The following DOCK9 variants were observed in gnomAD, a reference collection of about 807,000 sequenced individuals.
DOCK9 encodes dedicator of cytokinesis 9.
A neutral mutation model predicts 263.3 loss-of-function variants in DOCK9; 89 were observed. That is an observed-to-expected ratio of 0.34 (90% CI 0.28 to 0.40). DOCK9 has a LOEUF of 0.40. Ranked by LOEUF, DOCK9 falls within the 10% of genes least tolerant of loss-of-function variation. The pLI is 1.00. For missense variants in DOCK9, 2,140 were observed against 2,603.4 expected (o/e 0.82, Z 3.87); for synonymous variants, 976 against 973.1 (o/e 1.00, Z -0.06).
At chr13:98,896,309 A>T (rs2047417250) in intron 15 of DOCK9, among the ~76,000 whole-genome samples, 1 of 152,122 alleles carries the variant, frequency 6.6e-6, no homozygotes, top group Non-Finnish European at 1.5e-5. Flanking sequence ...ACGTGATTGG[A>T]TTCTGATTAG....
intron 1 of DOCK9, among the ~76,000 whole-genome samples, chr13:99,051,855 C>CAAAAAAAAAAAAAAAAAA (rs11392986): frequency 2.8e-5 from 3 of 106,056 alleles, no homozygotes; most frequent in Non-Finnish European, 3.8e-5. Flanking sequence ...CCACTAGTGG[C>CAAAAAAAAAAAAAAAAAA]AAAAAAAAAA....
intron 1 of DOCK9, among the ~76,000 whole-genome samples, chr13:99,045,715 C>A (rs367928099): frequency 3.3e-5 from 5 of 151,942 alleles, no homozygotes; most frequent in Non-Finnish European, 4.4e-5. Context: ...CCTAAATATA[C>A]GGAATTTTTG....
Position 98,955,946 on chromosome 13 carries a change from T to A in DOCK9, c.127-395A>T, listed in dbSNP as rs574023221. On this transcript the variant is annotated intron_variant, in intron 1 of 52. Transcript: ENST00000682017. ...ACGGCTCCAGCCACGATACCATCCC[T>A]CCTTGGCCCAGGGCCTAAATGTATC... Among the ~76,000 whole-genome samples, 128 of 152,208 alleles carry A rather than the reference T, an allele frequency of 8.4e-4. 1 individual carries two copies. Among genetic ancestry groups the A allele is most frequent in the Non-Finnish European group, 1.3e-3 (87 of 68,052 alleles).
Position 98,829,593 on chromosome 13 carries a change from G to T in DOCK9, c.4749+50C>A. The T allele has an allele frequency of 6.3e-7, 1 of 1,585,636 alleles. No individual in the cohort carries two copies. The highest frequency in any genetic ancestry group is 8.6e-7 in the Non-Finnish European group (1 of 1,163,936). ...TGCTGCCTGTCCACAAGCACCTCAGGTGCTGATGCAGAGTCTCAGGGTGAA... is the reference window on the plus strand; with the variant it reads ...TGCTGCCTGTCCACAAGCACCTCAGTTGCTGATGCAGAGTCTCAGGGTGAA... On this transcript the variant is annotated intron_variant, in intron 42 of 52. Coordinates refer to ENST00000682017, the MANE Select transcript of DOCK9 (RefSeq NM_001366683.2). This position sits in a 1 kb window ranked among gnomAD's most constrained non-coding sequence, Gnocchi z 4.1.
At chr13:99,047,386 G>A (rs2040483782) in intron 1 of DOCK9, among the ~76,000 whole-genome samples, 1 of 152,116 alleles carries the variant, frequency 6.6e-6, no homozygotes, top group Non-Finnish European at 1.5e-5. Context: ...TTAGAATAAG[G>A]AAATTGTCTT....
In DOCK9 at chr13:98,797,286, C is replaced by T. The variant is rs766850817; in HGVS notation, c.6018-33G>A. 44 of 1,613,206 alleles carry T rather than the reference C, an allele frequency of 2.7e-5. No individual in the cohort carries two copies. The East Asian group carries it at 3.1e-4, about 11-fold the overall frequency. ...GGTACAGGCGGGAGAAACAAAGGCA[C>T]GCAGAGGATAAGGCATGAGTCCAAC... On this transcript the variant is annotated intron_variant, in intron 51 of 52. Transcript: ENST00000682017.
intron 2 of DOCK9, among the ~76,000 whole-genome samples, chr13:98,944,345 A>G (rs963145085): frequency 7.9e-5 from 11 of 139,424 alleles, no homozygotes; most frequent in Non-Finnish European, 1.2e-4. Flanking sequence ...TGAGCACAAT[A>G]TGGAGCAAAA....
chr13:98,846,672 G>T, intron 37 of DOCK9: 1 of 697,758 alleles, frequency 1.4e-6, no homozygotes, highest in South Asian at 1.4e-5. Context: ...GGGCTGCAAT[G>T]ACACCTGTCC....
At chr13:98,850,800 T>G (rs1016550654) in intron 35 of DOCK9, among the ~76,000 whole-genome samples, 1 of 152,238 alleles carries the variant, frequency 6.6e-6, no homozygotes, top group Admixed American at 6.5e-5. Context: ...GTATGTGCAT[T>G]TAAACCTCTG....
At chr13:98,906,747 A>C (rs761530907) in intron 9 of DOCK9, among the ~76,000 whole-genome samples, 20 of 152,336 alleles carry the variant, frequency 1.3e-4, no homozygotes, top group South Asian at 6.2e-4. Context: ...GGTCTTTAGC[A>C]ATGATCCAAA....
chr13:98,921,595 C>G (rs1304788324), intron 6 of DOCK9, among the ~76,000 whole-genome samples: 2 of 152,174 alleles, frequency 1.3e-5, no homozygotes, highest in Admixed American at 6.5e-5. Flanking sequence ...TCCTGAATAG[C>G]TTCTTCTATT....
chr13:98,917,860 G>A (rs2051158662), intron 7 of DOCK9, among the ~76,000 whole-genome samples: 1 of 152,130 alleles, frequency 6.6e-6, no homozygotes, highest in African/African-American at 2.4e-5. Context: ...TGAGCCGGGG[G>A]TTCCACCTGG....
At chr13:99,013,685 G>A (rs1394181873) in intron 1 of DOCK9, among the ~76,000 whole-genome samples, 1 of 152,170 alleles carries the variant, frequency 6.6e-6, no homozygotes, top group African/African-American at 2.4e-5. Flanking sequence ...CAGCAAGGCA[G>A]CCTGGGTATC....
chr13:98,997,584 T>C (rs1011308966), intron 1 of DOCK9, among the ~76,000 whole-genome samples: 1 of 152,218 alleles, frequency 6.6e-6, no homozygotes, highest in African/African-American at 2.4e-5. Context: ...ACCCACTCTT[T>C]TGATATCCTT....
intron 48 of DOCK9, among the ~76,000 whole-genome samples, chr13:98,805,862 G>C (rs2090640982): frequency 6.6e-6 from 1 of 152,164 alleles, no homozygotes; most frequent in Admixed American, 6.5e-5. Context: ...CAGCGTTCAA[G>C]TGATTCTCCT....
At chr13:98,958,911 A>C (rs1034287452) in intron 1 of DOCK9, among the ~76,000 whole-genome samples, 1 of 152,244 alleles carries the variant, frequency 6.6e-6, no homozygotes, top group African/African-American at 2.4e-5. Context: ...TTAGGGCACC[A>C]AATAATACTT....
At chr13:98,841,728 T>C (rs2093224082) in intron 38 of DOCK9, among the ~76,000 whole-genome samples, 1 of 151,726 alleles carries the variant, frequency 6.6e-6, no homozygotes, top group Non-Finnish European at 1.5e-5. Flanking sequence ...TTCAAGCAAT[T>C]CTCCTGCCTC....
chr13:98,972,017 G>A (rs1229924672), intron 1 of DOCK9, among the ~76,000 whole-genome samples: 2 of 152,178 alleles, frequency 1.3e-5, no homozygotes, highest in Non-Finnish European at 2.9e-5. Context: ...AAGCTCAAGT[G>A]AATACGTTCA....
chr13:98,931,282 TAA>T (rs1341579088), intron 2 of DOCK9, among the ~76,000 whole-genome samples: 31 of 140,614 alleles, frequency 2.2e-4, no homozygotes, highest in Non-Finnish European at 3.6e-4. Context: ...TTTTTCTTTT[TAA>T]TTTTTTTATT....
Sources: gnomAD v4.1 joint callset for allele counts (sites outside exome capture counted in the v4.1 genomes callset) on GRCh38, gnomAD v4.1.1 for gene constraint, Gnocchi (gnomAD v3.1) non-coding constraint, MANE v1.5 for transcripts, NCBI Gene and HGNC (gene_info 2026-07-23, HGNC 2026-07-21) for gene names.